The following SELENOP variants were observed in gnomAD, a reference collection of about 807,000 sequenced individuals.
The protein encoded by SELENOP is selenoprotein P, plasma, 1.
SELENOP carries 36 observed loss-of-function variants against 41.0 expected under a neutral mutation model. The observed-to-expected ratio is 0.88, with a 90% CI of 0.67 to 1.16. The LOEUF is 1.16. SELENOP is among the 50% of genes most tolerant of loss of function. SELENOP has a pLI of 0.00. For synonymous variants in SELENOP, 144 were observed against 150.8 expected, an observed-to-expected ratio of 0.95 and a Z score of 0.33; for missense variants, 440 against 454.2, an observed-to-expected ratio of 0.97 and a Z score of 0.28.
chr5:42,805,446 TG>T (rs1489455418), intron 3 of SELENOP: 9 of 152,172 alleles, frequency 5.9e-5, no homozygotes, highest in African/African-American at 2.2e-4. Context: ...AAAAATTTAG[TG>T]TAAGACCAAG....
chr5:42,799,989 G>T lies in SELENOP; in HGVS notation c.*731C>A. 3.8e-6 allele frequency: 2 copies of T among 532,672 alleles called. No homozygotes were observed. The highest frequency in any genetic ancestry group is 2.8e-5 in the South Asian group (1 of 36,118). 33.0% of individuals were successfully genotyped at this position (532,672 alleles called of 1,614,324 possible). A position where few individuals can be genotyped will look rare whatever the true frequency, so the allele number is the denominator to read the frequency against. ...ACCATAAAGGAGGTCAGGTTTATAG[G>T]GTTTGGTTTACCTATTAAACCATCA... On this transcript the variant is annotated 3_prime_UTR_variant, in exon 5 of 5. Coordinates refer to ENST00000514985, the MANE Select transcript of SELENOP (RefSeq NM_005410.4).
At chr5:42,806,492 G>A (rs1192884928) in intron 3 of SELENOP, 1 of 160,950 alleles carries the variant, frequency 6.2e-6, no homozygotes, top group African/African-American at 2.4e-5. Context: ...TGTAATCAAG[G>A]GATAGATGAG....
rs1430866265 is a variant in SELENOP at position 42,808,363 on chromosome 5, T to G, written c.-10A>C. The G allele has an allele frequency of 2.2e-6, 3 of 1,341,840 alleles. No homozygotes were observed. The highest frequency in any genetic ancestry group is 2.9e-6 in the Non-Finnish European group (3 of 1,032,824). The allele number at this position is 1,341,840 out of a possible 1,614,324, so 83.1% of individuals were successfully genotyped here. ...CCAGGCTTCTCCACATTGCTGGGGT[T>G]GTCCTGTAAAAGAGAAAACCTGTCA... On this transcript the variant is annotated 5_prime_UTR_variant, in exon 2 of 5. Coordinates refer to ENST00000514985, the MANE Select transcript of SELENOP (RefSeq NM_005410.4).
intron 3 of SELENOP, chr5:42,804,997 T>C (rs1192878226): frequency 6.2e-6 from 2 of 321,462 alleles, no homozygotes; most frequent in Admixed American, 4.9e-5. Flanking sequence ...TATTTTGAAA[T>C]GTTATAGATA....
In SELENOP at chr5:42,801,105, C is replaced by CTA; in HGVS notation, c.759_760dup (p.Arg254IlefsTer?). The CTA allele has an allele frequency of 6.2e-7, 1 of 1,614,064 alleles. No homozygotes were observed. The highest frequency in any genetic ancestry group is 8.5e-7 in the Non-Finnish European group (1 of 1,179,996). On this transcript the variant is annotated frameshift_variant, in exon 5 of 5. Coordinates refer to ENST00000514985, the MANE Select transcript of SELENOP (RefSeq NM_005410.4). LOFTEE classifies it high-confidence loss of function. ...ATCTCGGTTCTCTGGGTGACCCTGC[C>CTA]TATGCTGACCCTTGTGCTTATGGTG...
Position 42,801,180 on chromosome 5 carries a change from G to A in SELENOP, c.686C>T (p.Pro229Leu), listed in dbSNP as rs1218696445. The change falls in exon 5 of 5, where the codon CCA becomes CTA. Residue 229 changes from proline (P) to leucine (L), a missense_variant. Coordinates refer to ENST00000514985, the MANE Select transcript of SELENOP (RefSeq NM_005410.4). ...GSSELSENQQPGAPNAPTHPA... is the reference protein window; with the variant it reads ...GSSELSENQQLGAPNAPTHPA... ...ATGAGTAGGAGCATTTGGTGCTCCT[G>A]GTTGCTGATTCTCTGAAAGCTCACT... is the stretch of plus-strand genomic sequence containing the variant. 1.2e-6 allele frequency: 2 copies of A among 1,613,994 alleles called. No individual in the cohort carries two copies. The highest frequency in any genetic ancestry group is 1.1e-5 in the South Asian group (1 of 91,074).
rs369054600 is a variant in SELENOP, at chr5:42,801,304, G to T, written c.562C>A (p.Arg188Ser). The change falls in exon 5 of 5, where the codon CGT becomes AGT. Residue 188 changes from arginine to serine, a missense_variant. Transcript: ENST00000514985. ...TTATCCACAGTAGCCAAAGATACAC[G>T]TTTACAAAAGTCTTCATCTTTGAGA... ...TTLKDEDFCKRVSLATVDKTV... is the reference protein window; with the variant it reads ...TTLKDEDFCKSVSLATVDKTV... 6.2e-7 allele frequency: 1 copy of T among 1,609,836 alleles called. No individual in the cohort carries two copies. The highest frequency in any genetic ancestry group is 1.3e-5 in the African/African-American group (1 of 74,850).
In SELENOP at chr5:42,801,205, T is replaced by C; in HGVS notation, c.661A>G (p.Ser221Gly). Residue 221 changes from serine to glycine, a missense_variant, in exon 5 of 5, where the codon AGT becomes GGT. Ser to Gly is a moderately conservative substitution (Grantham distance 56). Transcript: ENST00000514985. The part of the protein sequence containing the change: ...HNHGHQHLGS[S>G]ELSENQQPGA... Reference sequence around the variant, plus strand: ...GGTTGCTGATTCTCTGAAAGCTCACTGCTGCCAAGGTGCTGATGTCCATGA... The same window carrying C: ...GGTTGCTGATTCTCTGAAAGCTCACCGCTGCCAAGGTGCTGATGTCCATGA... The C allele has an allele frequency of 3.1e-6, 5 of 1,614,188 alleles. No individual in the cohort carries two copies. Among genetic ancestry groups the C allele is most frequent in the Non-Finnish European group, 4.2e-6 (5 of 1,180,024 alleles).
At chr5:42,803,222 T>C (rs1266610837) in intron 4 of SELENOP, among the ~76,000 whole-genome samples, 1 of 152,194 alleles carries the variant, frequency 6.6e-6, no homozygotes, top group East Asian at 1.9e-4. Context: ...GTGGTAACTA[T>C]TAACTGCCTT....
chr5:42,810,093 G>A (rs140411330), intron 1 of SELENOP, among the ~76,000 whole-genome samples: 32 of 152,166 alleles, frequency 2.1e-4, no homozygotes, highest in Admixed American at 4.6e-4. Flanking sequence ...CCCTTTTGCA[G>A]TTGAGAAAAA....
rs1040190159 is a variant in SELENOP, at chr5:42,807,343, C to T, written c.204-235G>A. 60 of 289,304 alleles carry T rather than the reference C, an allele frequency of 2.1e-4. 1 individual carries two copies. Among genetic ancestry groups the T allele is most frequent in the African/African-American group, 1.1e-3 (53 of 47,644 alleles). 17.9% of individuals were successfully genotyped at this position (289,304 alleles called of 1,614,324 possible). ...CTTAAACAAACATTGGTTTAGTTCTCAAATTAGCACGATGAAGTGTATATA... is the reference window on the plus strand; with the variant it reads ...CTTAAACAAACATTGGTTTAGTTCTTAAATTAGCACGATGAAGTGTATATA... On this transcript the variant is annotated intron_variant, in intron 2 of 4. Coordinates refer to ENST00000514985, the MANE Select transcript of SELENOP (RefSeq NM_005410.4).
intron 4 of SELENOP, 43 bp downstream of exon 4, chr5:42,804,609 TAAAA>T (rs1297481358): frequency 1.8e-6 from 2 of 1,112,342 alleles, no homozygotes; most frequent in South Asian, 2.8e-5. Flanking sequence ...GATAAACTCT[TAAAA>T]GATTTCCTCT....
At chr5:42,802,982 C>G (rs1760246839) in intron 4 of SELENOP, among the ~76,000 whole-genome samples, 2 of 152,146 alleles carry the variant, frequency 1.3e-5, no homozygotes, top group South Asian at 4.1e-4. Context: ...ATTTTAATAT[C>G]TCTAAAATTA....
At chr5:42,804,518 G>A (rs1447278324) in intron 4 of SELENOP, 138 bp downstream of exon 4, 1 of 519,842 alleles carries the variant, frequency 1.9e-6, no homozygotes, top group Non-Finnish European at 3.5e-6. Context: ...ATGACAGGAT[G>A]TTTGTTTAAT....
chr5:42,802,670 G>A (rs1760235127), intron 4 of SELENOP, among the ~76,000 whole-genome samples: 1 of 152,130 alleles, frequency 6.6e-6, no homozygotes, highest in Non-Finnish European at 1.5e-5. Flanking sequence ...GAGTGCAGTG[G>A]CACGACCTCG....
intron 2 of SELENOP, 30 bp downstream of exon 2, chr5:42,808,121 G>A: frequency 8.1e-7 from 1 of 1,234,072 alleles, no homozygotes; most frequent in Non-Finnish European, 1.1e-6. Context: ...TCCCCTTAAG[G>A]TATTTTAAGC....
rs545782031 is a variant in SELENOP, at chr5:42,807,010, G to A, written c.302C>T (p.Thr101Ile). 1.9e-6 allele frequency: 3 copies of A among 1,594,298 alleles called. No individual in the cohort carries two copies. The highest frequency in any genetic ancestry group is 4.5e-5 in the East Asian group (2 of 44,602). ...HQGISSRLKY[T>I]HLKNKVSEHI... Reference sequence around the variant, plus strand: ...CTCTGAAACCTTATTCTTAAGATGTGTGTATTTTAATCGAGAAGAGATTCC... The same window carrying A: ...CTCTGAAACCTTATTCTTAAGATGTATGTATTTTAATCGAGAAGAGATTCC... Residue 101 changes from threonine (T) to isoleucine (I), a missense_variant, in exon 3 of 5, where the codon ACA becomes ATA. Coordinates refer to ENST00000514985, the MANE Select transcript of SELENOP (RefSeq NM_005410.4).
chr5:42,808,055 A>G (rs376917291), intron 2 of SELENOP, 96 bp downstream of exon 2: 43 of 529,802 alleles, frequency 8.1e-5, no homozygotes, highest in African/African-American at 7.7e-4. Flanking sequence ...GTGTGACTTA[A>G]TACATTATTT....
At chr5:42,801,466 G>A (rs1760201391) in intron 4 of SELENOP, 135 bp from the exon 5 acceptor site, 1 of 655,892 alleles carries the variant, frequency 1.5e-6, no homozygotes, top group South Asian at 2.2e-5. Context: ...TTATATTAAT[G>A]AGAAAGAGTC....
Sources: allele counts gnomAD v4.1 joint callset (sites outside exome capture counted in the v4.1 genomes callset), GRCh38; gene constraint gnomAD v4.1.1; transcripts MANE v1.5; gene names NCBI Gene and HGNC (gene_info 2026-07-23, HGNC 2026-07-21).